PFKFB3: variants seen among roughly 807,000 people sequenced by gnomAD.
PFKFB3 encodes 6-phosphofructo-2-kinase/fructose-2,6-biphosphatase 3, also known as 6-phosphofructo-2-kinase/fructose-2,6-bisphosphatase 3.
Under a neutral mutation model 68.0 loss-of-function variants are expected in PFKFB3, and 33 were observed. The observed-to-expected ratio is 0.49, with a 90% CI of 0.37 to 0.65. The LOEUF (loss-of-function observed/expected upper bound fraction) is 0.65, where lower values mean the gene tolerates loss of function less well. PFKFB3 is among the 30% of genes least tolerant of loss of function. The pLI is 0.00. For synonymous variants in PFKFB3, 315 were observed against 288.2 expected, an observed-to-expected ratio of 1.09 and a Z score of -0.94; for missense variants, 586 against 712.2, an observed-to-expected ratio of 0.82 and a Z score of 2.02.
At chr10:6,262,287 T>A in the PFKFB3 span, among the ~76,000 whole-genome samples, 3 of 151,148 alleles carry the variant, frequency 2.0e-5, no homozygotes, top group Non-Finnish European at 4.4e-5. Context: ...ACCCTGTCTC[T>A]ACTAAAAATA....
At chr10:6,253,003 C>T (rs999976236) in intron 14 of PFKFB3, among the ~76,000 whole-genome samples, 2 of 152,298 alleles carry the variant, frequency 1.3e-5, no homozygotes, top group African/African-American at 4.8e-5. Flanking sequence ...ACTGCAGCCT[C>T]CACCTCCTGG....
chr10:6,205,434 C>T (rs1588470341), intron 1 of PFKFB3, among the ~76,000 whole-genome samples: 2 of 136,896 alleles, frequency 1.5e-5, no homozygotes, highest in Non-Finnish European at 3.1e-5. Flanking sequence ...ACTCTGTCAC[C>T]GAGGCTGGAG....
At chr10:6,302,543 A>T in the PFKFB3 span, among the ~76,000 whole-genome samples, 2 of 146,586 alleles carry the variant, frequency 1.4e-5, no homozygotes, top group Middle Eastern at 3.6e-3. Flanking sequence ...CACCACACCC[A>T]GCTAATTTTT....
intron 1 of PFKFB3, among the ~76,000 whole-genome samples, chr10:6,173,354 G>A (rs1415746400): frequency 3.3e-5 from 5 of 152,218 alleles, no homozygotes; most frequent in Non-Finnish European, 7.3e-5. Flanking sequence ...CCTGGAGGGG[G>A]CGCTCAGGAA....
In PFKFB3 at chr10:6,229,601, A is replaced by G. The variant is rs10906037; in HGVS notation, c.1515+3236A>G. On this transcript the variant is annotated intron_variant, in intron 14 of 14. Transcript: ENST00000379775. This position sits in a 1 kb window ranked among gnomAD's most constrained non-coding sequence, Gnocchi z 4.3. ...CTTAACTTCCAGCTTCTTGGGGCGC[A>G]CCCTCCATCCTCAGGGCCAGTGTCT... Among the ~76,000 whole-genome samples the G allele has an allele frequency of 0.28, 43,050 of 151,608 alleles. 6,206 individuals are homozygous for G. The highest frequency in any genetic ancestry group is 0.34 in the Middle Eastern group (100 of 294).
rs1844849533 is a variant in PFKFB3, at chr10:6,220,092, CT to C, written c.623+401del. On this transcript the variant is annotated intron_variant, in intron 7 of 14. Coordinates refer to ENST00000379775, the MANE Select transcript of PFKFB3 (RefSeq NM_004566.4). This position sits in a 1 kb window ranked among gnomAD's most constrained non-coding sequence, Gnocchi z 4.1. ...TTCCATTTATTTATTTATTTATTTACTTACTTACTTGCTTGCCTGCTTGCTT... is the reference window on the plus strand; with the variant it reads ...TTCCATTTATTTATTTATTTATTTACTACTTACTTGCTTGCCTGCTTGCTT... Among the ~76,000 whole-genome samples the C allele has an allele frequency of 7.0e-6, 1 of 143,492 alleles. No homozygotes were observed. Among genetic ancestry groups the C allele is most frequent in the African/African-American group, 2.9e-5 (1 of 34,438 alleles). 94.1% of individuals were successfully genotyped at this position (143,492 alleles called of 152,430 possible). A position where few individuals can be genotyped will look rare whatever the true frequency, so the allele number is the denominator to read the frequency against.
chr10:6,263,049 G>A, the PFKFB3 span, among the ~76,000 whole-genome samples: 4 of 152,210 alleles, frequency 2.6e-5, no homozygotes, highest in Non-Finnish European at 5.9e-5. Context: ...ATATAGAGGT[G>A]TGAAGTTGAA....
At chr10:6,175,984 C>T (rs598182) in intron 1 of PFKFB3, among the ~76,000 whole-genome samples, 26,735 of 152,198 alleles carry the variant, frequency 0.18, 2,995 homozygotes, top group Non-Finnish European at 0.25. Context: ...CCCGCCTTGG[C>T]GTAGACGCAT....
At chr10:6,161,585 C>T (rs202013676) in intron 1 of PFKFB3, among the ~76,000 whole-genome samples, 308 of 115,506 alleles carry the variant, frequency 2.7e-3, no homozygotes, top group Non-Finnish European at 5.1e-3. Flanking sequence ...TACACACACA[C>T]ATATATATAT....
chr10:6,231,941 A>G (rs1845776628), intron 14 of PFKFB3, among the ~76,000 whole-genome samples: 1 of 151,924 alleles, frequency 6.6e-6, no homozygotes, highest in East Asian at 1.9e-4. Flanking sequence ...AGTCTGGCCC[A>G]CGCCTGGGCG....
intron 1 of PFKFB3, among the ~76,000 whole-genome samples, chr10:6,195,124 A>G (rs1039644440): frequency 3.3e-5 from 5 of 152,076 alleles, no homozygotes; most frequent in Non-Finnish European, 7.4e-5. Flanking sequence ...TGCCTGCCTC[A>G]GCCTCCCAAA....
At chr10:6,267,912 G>A in the PFKFB3 span, among the ~76,000 whole-genome samples, 290 of 129,896 alleles carry the variant, frequency 2.2e-3, no homozygotes, top group Non-Finnish European at 3.0e-3. Flanking sequence ...CCGAGATGGT[G>A]CCACTGCACT....
the PFKFB3 span, among the ~76,000 whole-genome samples, chr10:6,291,756 T>G: frequency 6.6e-6 from 1 of 152,148 alleles, no homozygotes; most frequent in East Asian, 1.9e-4. Flanking sequence ...TTCAGATTAA[T>G]AGAGAACCAC....
At chr10:6,164,970 A>G (rs534041527) in intron 1 of PFKFB3, among the ~76,000 whole-genome samples, 2 of 151,526 alleles carry the variant, frequency 1.3e-5, no homozygotes, top group South Asian at 4.2e-4. Context: ...AGCAGGAGAC[A>G]GAAGGCTTCC....
At chr10:6,160,413 G>A (rs1841936064) in intron 1 of PFKFB3, among the ~76,000 whole-genome samples, 1 of 152,156 alleles carries the variant, frequency 6.6e-6, no homozygotes, top group South Asian at 2.1e-4. Flanking sequence ...GTTCCCTTTT[G>A]ACCTGTTACA....
chr10:6,224,653 A>C (rs1480069458), intron 13 of PFKFB3: 2 of 334,622 alleles, frequency 6.0e-6, no homozygotes, highest in African/African-American at 4.4e-5. Context: ...GCTAATTTTA[A>C]TTTATTCATT....
At chr10:6,293,854 A>C in the PFKFB3 span, 2 of 399,000 alleles carry the variant, frequency 5.0e-6, no homozygotes, top group African/African-American at 4.2e-5. Flanking sequence ...CAGACCAACC[A>C]ATAAGGTTGG....
the PFKFB3 span, among the ~76,000 whole-genome samples, chr10:6,277,395 A>G: frequency 6.7e-6 from 1 of 149,268 alleles, no homozygotes; most frequent in Non-Finnish European, 1.5e-5. Flanking sequence ...TAATTTTTGT[A>G]TTTTTAGTAG....
the PFKFB3 span, among the ~76,000 whole-genome samples, chr10:6,271,144 C>T: frequency 6.6e-6 from 1 of 152,322 alleles, no homozygotes; most frequent in East Asian, 1.9e-4. Flanking sequence ...GTTTCAAGTG[C>T]CAAGAGAAAA....
Sources: allele counts gnomAD v4.1 joint callset (sites outside exome capture counted in the v4.1 genomes callset), GRCh38; gene constraint gnomAD v4.1.1; non-coding constraint Gnocchi (gnomAD v3.1); transcripts MANE v1.5; gene names NCBI Gene and HGNC (gene_info 2026-07-23, HGNC 2026-07-21).